PCNX2: variants seen among roughly 807,000 people sequenced by gnomAD.
PCNX2 encodes the protein pecanex 2.
In PCNX2, 168 loss-of-function variants were observed where a neutral mutation model predicts 223.8. That is an observed-to-expected ratio of 0.75 (90% CI 0.66 to 0.85). PCNX2 has a LOEUF of 0.85. PCNX2 is among the 40% of genes least tolerant of loss of function. The probability of loss-of-function intolerance (pLI) is 0.00; values close to 1 mark genes in which losing one functional copy is unlikely to be tolerated. For synonymous variants in PCNX2, 1,006 were observed against 1,052.6 expected, an observed-to-expected ratio of 0.96 and a Z score of 0.86; for missense variants, 2,507 against 2,675.5, an observed-to-expected ratio of 0.94 and a Z score of 1.39.
Position 232,990,889 on chromosome 1 carries a change from C to T in PCNX2, c.5792-4349G>A, listed in dbSNP as rs1191397582. 1.3e-5 allele frequency among the ~76,000 whole-genome samples: 2 copies of T among 152,310 alleles called. No individual in the cohort carries two copies. The highest frequency in any genetic ancestry group is 1.9e-4 in the East Asian group (1 of 5,160). Reference sequence around the variant, plus strand: ...TTGGGCCTACTTGCAGGCACGTGCACCCCCAGACGGGCATGTGAATGGGGA... The same window carrying T: ...TTGGGCCTACTTGCAGGCACGTGCATCCCCAGACGGGCATGTGAATGGGGA... On this transcript the variant is annotated intron_variant, in intron 32 of 33. Coordinates refer to ENST00000258229, the MANE Select transcript of PCNX2 (RefSeq NM_014801.4). The surrounding 1 kb of genome is among the most constrained non-coding windows in gnomAD (Gnocchi z 4.3).
chr1:233,061,473 C>T (rs971753659), intron 23 of PCNX2, among the ~76,000 whole-genome samples: 3 of 152,316 alleles, frequency 2.0e-5, no homozygotes, highest in South Asian at 2.1e-4. Flanking sequence ...AGCACTGCCT[C>T]GGATCAGCGC....
chr1:233,144,345 G>T (rs948760812), intron 19 of PCNX2, among the ~76,000 whole-genome samples: 1 of 151,918 alleles, frequency 6.6e-6, no homozygotes, highest in Non-Finnish European at 1.5e-5. Context: ...CTTCAGTCAG[G>T]TAACTTTTTA....
chr1:233,034,816 T>G (rs1007073822), intron 25 of PCNX2, among the ~76,000 whole-genome samples: 1 of 152,138 alleles, frequency 6.6e-6, no homozygotes, highest in Non-Finnish European at 1.5e-5. Context: ...ACAGGATCCA[T>G]GAAGAGTGTG....
At chr1:233,236,367 G>C (rs990688454) in intron 9 of PCNX2, among the ~76,000 whole-genome samples, 6 of 152,100 alleles carry the variant, frequency 3.9e-5, no homozygotes, top group Admixed American at 2.0e-4. Context: ...GTAAAATAAT[G>C]AAAGGCTTCA....
Position 233,177,801 on chromosome 1 carries a change from C to G in PCNX2, c.3273+1G>C, listed in dbSNP as rs1415298825. On this transcript the variant is annotated splice_donor_variant, in intron 17 of 33. Coordinates refer to ENST00000258229, the MANE Select transcript of PCNX2 (RefSeq NM_014801.4). LOFTEE classifies it high-confidence loss of function. ...TACATTACACAACGCAAATGTCTCA[C>G]CACTGAATCTTTCATCTTCTTGGGG... 1 of 1,611,198 alleles carries G rather than the reference C, an allele frequency of 6.2e-7. No homozygotes were observed. Among genetic ancestry groups the G allele is most frequent in the Admixed American group, 1.7e-5 (1 of 59,992 alleles).
At chr1:233,169,149 C>T (rs905581758) in intron 17 of PCNX2, among the ~76,000 whole-genome samples, 2 of 151,812 alleles carry the variant, frequency 1.3e-5, no homozygotes, top group Non-Finnish European at 2.9e-5. Flanking sequence ...GCCACAAGTA[C>T]TGTATCAAAT....
chr1:233,026,818 T>C (rs1485215432), intron 25 of PCNX2, among the ~76,000 whole-genome samples: 1 of 152,174 alleles, frequency 6.6e-6, no homozygotes, highest in Non-Finnish European at 1.5e-5. Flanking sequence ...GGATTTACTT[T>C]TACATATGTT....
At chr1:233,112,089 C>T (rs1289564347) in intron 21 of PCNX2, among the ~76,000 whole-genome samples, 1 of 152,174 alleles carries the variant, frequency 6.6e-6, no homozygotes, top group Non-Finnish European at 1.5e-5. Context: ...CCTTTCTTCA[C>T]CTAAGGTAGA....
At chr1:233,101,698 G>C (rs147805300) in intron 21 of PCNX2, among the ~76,000 whole-genome samples, 1 of 152,194 alleles carries the variant, frequency 6.6e-6, no homozygotes, top group Non-Finnish European at 1.5e-5. Context: ...CAGAAGCAAA[G>C]AGGTAATTTG....
intron 25 of PCNX2, among the ~76,000 whole-genome samples, chr1:233,035,597 C>T (rs1021574598): frequency 1.2e-4 from 18 of 152,210 alleles, no homozygotes; most frequent in African/African-American, 3.9e-4. Flanking sequence ...CTCTCACTCA[C>T]AAAGTGGACA....
chr1:233,160,323 G>T lies in PCNX2; in HGVS notation c.3477C>A (p.Pro1159=). 6.2e-7 allele frequency: 1 copy of T among 1,613,428 alleles called. No individual in the cohort carries two copies. Among genetic ancestry groups the T allele is most frequent in the Non-Finnish European group, 8.5e-7 (1 of 1,179,652 alleles). ...GATGATACTCTTTGTTTTTGAGAAT[G>T]GGGTGTGAAATCCACATCCAGGGAT... ...KHHPWMWISH[P]ILKNKEYHQR... The change falls in exon 19 of 34, where the codon CCC becomes CCA. Residue 1159 remains proline, a synonymous_variant. Transcript: ENST00000258229.
At chr1:233,042,421 T>A (rs540995931) in intron 25 of PCNX2, among the ~76,000 whole-genome samples, 2 of 152,308 alleles carry the variant, frequency 1.3e-5, no homozygotes, top group East Asian at 3.9e-4. Flanking sequence ...GCTGATAGAC[T>A]AATACTAAGG....
intron 23 of PCNX2, among the ~76,000 whole-genome samples, chr1:233,087,504 G>A (rs938056823): frequency 3.9e-5 from 6 of 152,184 alleles, no homozygotes; most frequent in African/African-American, 1.4e-4. Context: ...CGGCCACATA[G>A]AAACTCTGCA....
the PCNX2 span, among the ~76,000 whole-genome samples, chr1:233,318,567 T>TTTC: frequency 4.1e-4 from 58 of 139,786 alleles, 2 homozygotes; most frequent in African/African-American, 1.4e-3. Context: ...CTTTTTCTTT[T>TTTC]TTTTTTTTTT....
intron 9 of PCNX2, among the ~76,000 whole-genome samples, chr1:233,227,663 C>A (rs140720042): frequency 7.8e-4 from 119 of 152,226 alleles, no homozygotes; most frequent in African/African-American, 2.7e-3. Context: ...AATGCTACTG[C>A]TCATTAAGGC....
intron 19 of PCNX2, among the ~76,000 whole-genome samples, chr1:233,141,937 C>T (rs1677154604): frequency 6.6e-6 from 1 of 151,842 alleles, no homozygotes; most frequent in Non-Finnish European, 1.5e-5. Flanking sequence ...AACACTCCAA[C>T]AATGAGCTTA....
intron 8 of PCNX2, among the ~76,000 whole-genome samples, chr1:233,243,600 T>C (rs1489272040): frequency 6.6e-6 from 1 of 152,212 alleles, no homozygotes; most frequent in East Asian, 1.9e-4. Context: ...ATAAAAGCAC[T>C]AGAGGAAAGG....
At chr1:233,107,707 C>T (rs1674879038) in intron 21 of PCNX2, among the ~76,000 whole-genome samples, 1 of 150,864 alleles carries the variant, frequency 6.6e-6, no homozygotes, top group Non-Finnish European at 1.5e-5. Context: ...CATGACTTTT[C>T]TAAAAATCTC....
chr1:233,076,716 G>C (rs932925373), intron 23 of PCNX2, among the ~76,000 whole-genome samples: 1 of 152,082 alleles, frequency 6.6e-6, no homozygotes, highest in Non-Finnish European at 1.5e-5. Context: ...CAATCATCTT[G>C]AGACACCTTG....
Sources: allele counts gnomAD v4.1 joint callset (sites outside exome capture counted in the v4.1 genomes callset), GRCh38; gene constraint gnomAD v4.1.1; non-coding constraint Gnocchi (gnomAD v3.1); transcripts MANE v1.5; gene names NCBI Gene and HGNC (gene_info 2026-07-23, HGNC 2026-07-21).